The following RHOBTB2 variants were observed in gnomAD, a reference collection of about 807,000 sequenced individuals.
The protein encoded by RHOBTB2 is rho-related BTB domain-containing protein 2.
In RHOBTB2, 39 loss-of-function variants were observed where a neutral mutation model predicts 66.5. That is an observed-to-expected ratio of 0.59 (90% CI 0.45 to 0.77). The LOEUF is 0.77. RHOBTB2 is among the 30% of genes least tolerant of loss of function. RHOBTB2 has a pLI of 0.00. For missense variants in RHOBTB2, 755 were observed against 999.1 expected (o/e 0.76, Z 3.29); for synonymous variants, 390 against 395.0 (o/e 0.99, Z 0.15).
the RHOBTB2 span, among the ~76,000 whole-genome samples, chr8:22,977,256 C>A: frequency 6.6e-6 from 1 of 152,126 alleles, no homozygotes. Flanking sequence ...GCACCCAGCA[C>A]TTTCCTGGAA....
chr8:22,980,828 C>G, the RHOBTB2 span, among the ~76,000 whole-genome samples: 6 of 152,114 alleles, frequency 3.9e-5, no homozygotes, highest in African/African-American at 1.4e-4. Flanking sequence ...TTTAGAAATC[C>G]CAAATTACAA....
chr8:22,956,964 G>C, the RHOBTB2 span, among the ~76,000 whole-genome samples: 3 of 152,090 alleles, frequency 2.0e-5, no homozygotes, highest in African/African-American at 4.8e-5. Context: ...CCAGCCTCAG[G>C]TATTTCTTTA....
rs770925104 is a variant in RHOBTB2, at chr8:23,017,491, C to T, written c.*22C>T. ...CTGAGATGCTGCCACCCTCTTCTGA[C>T]CCTGCTGCTGTTGTCCCCATCCGCC... On this transcript the variant is annotated 3_prime_UTR_variant, in exon 10 of 10. Transcript: ENST00000251822. The surrounding 1 kb of genome is among the most constrained non-coding windows in gnomAD (Gnocchi z 5.3). 9.0e-6 allele frequency: 14 copies of T among 1,559,874 alleles called. No homozygotes were observed. The highest frequency in any genetic ancestry group is 3.7e-4 in the Middle Eastern group (2 of 5,476).
intron 2 of RHOBTB2, among the ~76,000 whole-genome samples, chr8:23,005,105 T>C (rs1351461626): frequency 6.6e-6 from 1 of 151,952 alleles, no homozygotes; most frequent in Admixed American, 6.6e-5. Flanking sequence ...CCCCTTAGGG[T>C]CTCTGCTACC....
chr8:23,007,524 C>T lies in RHOBTB2; in HGVS notation c.1279C>T (p.Arg427Trp), dbSNP rs559501371. Reference sequence around the variant, plus strand: ...CAGTTCCATCCAGCCGGGGCCCTTCCGGGCTGTCCTCAAGTACCTGTACAC... The same window carrying T: ...CAGTTCCATCCAGCCGGGGCCCTTCTGGGCTGTCCTCAAGTACCTGTACAC... ...MDSSIQPGPF[R>W]AVLKYLYTGE... Residue 427 changes from arginine to tryptophan, a missense_variant, in exon 5 of 10, where the codon CGG (arginine) becomes TGG (tryptophan). Transcript: ENST00000251822. 3.1e-5 allele frequency: 50 copies of T among 1,614,170 alleles called. No homozygotes were observed. In the South Asian group the frequency reaches 3.7e-4, roughly 12 times the overall value.
At chr8:22,971,350 A>ATT in the RHOBTB2 span, among the ~76,000 whole-genome samples, 10 of 144,358 alleles carry the variant, frequency 6.9e-5, no homozygotes, top group African/African-American at 2.3e-4. Context: ...ACGCCCATCT[A>ATT]TTTTTTTTTT....
At position 23,007,592 on chromosome 8, in the gene RHOBTB2, C is replaced by G. The variant is rs200949462; in HGVS notation, c.1347C>G (p.Ala449=). Residue 449 remains alanine (A), a synonymous_variant, in exon 5 of 10, where the codon GCC becomes GCG. Transcript: ENST00000251822. The stretch of plus-strand genomic sequence containing the variant: ...ACGAGCGTGACCTCATGCACATTGC[C>G]CACATTGCTGAGCTGCTCGAGGTCT... ...DENERDLMHI[A]HIAELLEVFD... 686 of 1,614,174 alleles carry G rather than the reference C, an allele frequency of 4.2e-4. 7 individuals are homozygous for G. Among genetic ancestry groups the G allele is most frequent in the Non-Finnish European group, 2.5e-5 (29 of 1,180,026 alleles).
intron 6 of RHOBTB2, 86 bp downstream of exon 6, chr8:23,008,197 C>T (rs904045865): frequency 1.1e-6 from 1 of 902,112 alleles, no homozygotes; most frequent in East Asian, 2.4e-5. Context: ...AGGGTACTTT[C>T]TTCACTGACT....
At chr8:22,984,494 C>T (rs1054216051), upstream of RHOBTB2, 1 of 152,182 alleles carries the variant, frequency 6.6e-6, no homozygotes, top group African/African-American at 2.4e-5. Flanking sequence ...ATGTTGGTGA[C>T]TATAGCAGAA....
At chr8:22,993,256 C>T (rs1349130512) in intron 2 of RHOBTB2, among the ~76,000 whole-genome samples, 1 of 152,130 alleles carries the variant, frequency 6.6e-6, no homozygotes, top group Non-Finnish European at 1.5e-5. Flanking sequence ...AACTCCTGGG[C>T]TCAAGAGATC....
chr8:22,996,232 AG>A (rs1810552445), upstream of RHOBTB2, among the ~76,000 whole-genome samples: 1 of 151,760 alleles, frequency 6.6e-6, no homozygotes, highest in Admixed American at 6.6e-5. Context: ...GTCACTGGGG[AG>A]GTGGGTCACA....
rs112296182 is a variant in RHOBTB2 at position 23,003,432 on chromosome 8, T to G, written c.-10-993T>G. ...AGGCTCAAATTTCTGATCTTTTGCT[T>G]TCTGGCAATCCCATCGCCCATGTAG... is the stretch of plus-strand genomic sequence containing the variant. On this transcript the variant is annotated intron_variant, in intron 1 of 9. Transcript: ENST00000251822. 7.5e-3 allele frequency among the ~76,000 whole-genome samples: 1,142 copies of G among 152,342 alleles called. 18 individuals carry two copies. Among genetic ancestry groups the G allele is most frequent in the Middle Eastern group, 0.027 (8 of 294 alleles).
At chr8:22,984,122 G>C (rs746397330), upstream of RHOBTB2, among the ~76,000 whole-genome samples, 2 of 151,664 alleles carry the variant, frequency 1.3e-5, no homozygotes, top group African/African-American at 4.8e-5. Flanking sequence ...GCAAGGCTGA[G>C]TGCAAAAAAA....
chr8:22,995,135 AT>A (rs2128798461), upstream of RHOBTB2, among the ~76,000 whole-genome samples: 1 of 152,002 alleles, frequency 6.6e-6, no homozygotes, highest in Non-Finnish European at 1.5e-5. Context: ...GTCTTATTAT[AT>A]TGCCCAGGCT....
intron 7 of RHOBTB2, among the ~76,000 whole-genome samples, 167 bp from the exon 8 acceptor site, chr8:23,014,523 G>T (rs1005986677): frequency 6.6e-6 from 1 of 152,178 alleles, no homozygotes; most frequent in Non-Finnish European, 1.5e-5. Flanking sequence ...CATCCCTGGG[G>T]TCCCCCTGGT....
At position 23,004,754 on chromosome 8, in the gene RHOBTB2, G is replaced by A; in HGVS notation, c.192+128G>A. The A allele has an allele frequency of 1.1e-6, 1 of 881,758 alleles. No individual in the cohort carries two copies. Among genetic ancestry groups the A allele is most frequent in the Non-Finnish European group, 1.8e-6 (1 of 571,396 alleles). The allele number at this position is 881,758 out of a possible 1,614,324, so 54.6% of individuals were successfully genotyped here. ...TAGGGGTGGGACAGGATGGGTTGGG[G>A]GCAGCTGAAGAGGAAGGAGCCCCTG... On this transcript the variant is annotated intron_variant, in intron 2 of 9. Transcript: ENST00000251822. This position sits in a 1 kb window ranked among gnomAD's most constrained non-coding sequence, Gnocchi z 6.4.
At chr8:22,984,460 C>T (rs538927646), upstream of RHOBTB2, 5 of 152,290 alleles carry the variant, frequency 3.3e-5, no homozygotes, top group South Asian at 4.1e-4. Flanking sequence ...TATTCTTACG[C>T]ACCATATATT....
chr8:22,980,400 T>A, the RHOBTB2 span, among the ~76,000 whole-genome samples: 1 of 152,212 alleles, frequency 6.6e-6, no homozygotes, highest in Non-Finnish European at 1.5e-5. Flanking sequence ...TTTAAATGGT[T>A]GCTTCTATAT....
intron 2 of RHOBTB2, 47 bp from the exon 3 acceptor site, chr8:23,005,325 C>T (rs754258342): frequency 1.4e-6 from 2 of 1,438,918 alleles, no homozygotes; most frequent in Non-Finnish European, 9.8e-7. Context: ...ACGCAGAGGT[C>T]CCCAAAACTG....
Sources: allele counts gnomAD v4.1 joint callset (sites outside exome capture counted in the v4.1 genomes callset), GRCh38; gene constraint gnomAD v4.1.1; non-coding constraint Gnocchi (gnomAD v3.1); transcripts MANE v1.5; gene names NCBI Gene and HGNC (gene_info 2026-07-23, HGNC 2026-07-21).